WDPCP: variants seen among roughly 807,000 people sequenced by gnomAD.
The protein encoded by WDPCP is WD repeat containing planar cell polarity effector.
In WDPCP, 71 loss-of-function variants were observed where a neutral mutation model predicts 93.1. That is an observed-to-expected ratio of 0.76 (90% CI 0.63 to 0.93). WDPCP has a LOEUF of 0.93. Ranked by LOEUF, WDPCP falls within the 40% of genes least tolerant of loss-of-function variation. The pLI is 0.00. For synonymous variants in WDPCP, 315 were observed against 315.0 expected, an observed-to-expected ratio of 1.00 and a Z score of 0.00; for missense variants, 844 against 887.4, an observed-to-expected ratio of 0.95 and a Z score of 0.62.
At chr2:63,482,739 A>G (rs1700342260) in intron 6 of WDPCP, among the ~76,000 whole-genome samples, 1 of 151,954 alleles carries the variant, frequency 6.6e-6, no homozygotes, top group Admixed American at 6.6e-5. Context: ...GTGGAGGTGA[A>G]GTTATCTTGT....
intron 17 of WDPCP, among the ~76,000 whole-genome samples, chr2:63,151,248 G>T (rs1671867724): frequency 1.3e-5 from 2 of 152,084 alleles, no homozygotes; most frequent in African/African-American, 4.8e-5. Flanking sequence ...TCAAGACAGG[G>T]TCTTACTCTG....
chr2:63,396,511 T>G (rs1478114590), intron 10 of WDPCP, among the ~76,000 whole-genome samples: 1 of 152,146 alleles, frequency 6.6e-6, no homozygotes, highest in Non-Finnish European at 1.5e-5. Context: ...GGGGACACTT[T>G]AGGCAAAGGG....
intron 1 of WDPCP, among the ~76,000 whole-genome samples, chr2:63,822,876 T>C (rs1421653943): frequency 2.0e-5 from 3 of 150,690 alleles, no homozygotes; most frequent in Non-Finnish European, 3.0e-5. Flanking sequence ...ATTTGATATA[T>C]ATATTTGGTA....
chr2:63,686,002 A>G (rs1325543465), intron 2 of WDPCP, among the ~76,000 whole-genome samples: 1 of 152,238 alleles, frequency 6.6e-6, no homozygotes, highest in Non-Finnish European at 1.5e-5. Flanking sequence ...CTATTATCAT[A>G]CTGAATGGGG....
At chr2:63,686,671 T>C (rs1215859595) in intron 2 of WDPCP, among the ~76,000 whole-genome samples, 2 of 152,122 alleles carry the variant, frequency 1.3e-5, no homozygotes, top group African/African-American at 2.4e-5. Flanking sequence ...AATCACATTA[T>C]ACTACAGTAC....
chr2:63,456,277 C>T (rs1483891565), intron 6 of WDPCP, among the ~76,000 whole-genome samples: 2 of 151,922 alleles, frequency 1.3e-5, no homozygotes, highest in Admixed American at 6.6e-5. Flanking sequence ...ATTAGCCAGG[C>T]GTGGTGGTGC....
chr2:63,206,182 C>T (rs957835319), intron 14 of WDPCP, among the ~76,000 whole-genome samples: 2 of 152,144 alleles, frequency 1.3e-5, no homozygotes, highest in East Asian at 3.9e-4. Context: ...TTCACTGGGT[C>T]ATGATGAACG....
intron 1 of WDPCP, among the ~76,000 whole-genome samples, chr2:63,550,446 A>G (rs1353645188): frequency 6.6e-6 from 1 of 152,044 alleles, no homozygotes; most frequent in African/African-American, 2.4e-5. Flanking sequence ...GGTTTCTCCT[A>G]TTATTTGACA....
chr2:63,536,624 A>G (rs1387034245), intron 1 of WDPCP, among the ~76,000 whole-genome samples: 1 of 152,116 alleles, frequency 6.6e-6, no homozygotes, highest in Non-Finnish European at 1.5e-5. Flanking sequence ...AAAATTAAAT[A>G]TAAAAAAAAA....
At chr2:63,402,652 A>AT (rs928097623) in intron 10 of WDPCP, among the ~76,000 whole-genome samples, 1 of 151,882 alleles carries the variant, frequency 6.6e-6, no homozygotes, top group African/African-American at 2.4e-5. Flanking sequence ...CAGAATGGCT[A>AT]TTTTTTTTGA....
chr2:63,803,100 C>T (rs1670718495), intron 2 of WDPCP, among the ~76,000 whole-genome samples: 1 of 152,100 alleles, frequency 6.6e-6, no homozygotes, highest in African/African-American at 2.4e-5. Flanking sequence ...GGAACACATG[C>T]CTGCCCACCA....
At chr2:63,699,199 G>A (rs1212916960) in intron 2 of WDPCP, among the ~76,000 whole-genome samples, 1 of 152,176 alleles carries the variant, frequency 6.6e-6, no homozygotes, top group African/African-American at 2.4e-5. Context: ...CCCATCCATG[G>A]TTGTAGGTCT....
intron 13 of WDPCP, among the ~76,000 whole-genome samples, chr2:63,303,826 A>G (rs1559301558): frequency 6.6e-6 from 1 of 152,224 alleles, no homozygotes; most frequent in South Asian, 2.1e-4. Context: ...GGCAAAAGAG[A>G]TAGACATTTC....
At chr2:63,517,329 C>T (rs578206624) in intron 1 of WDPCP, among the ~76,000 whole-genome samples, 6 of 151,952 alleles carry the variant, frequency 3.9e-5, no homozygotes, top group Non-Finnish European at 7.4e-5. Flanking sequence ...ATTTTCATTT[C>T]CTATGTTTCA....
At chr2:63,308,885 T>C (rs1365364170) in intron 13 of WDPCP, among the ~76,000 whole-genome samples, 1 of 151,926 alleles carries the variant, frequency 6.6e-6, no homozygotes, top group Non-Finnish European at 1.5e-5. Flanking sequence ...GAACCTAAAG[T>C]ATAATCAAAG....
intron 15 of WDPCP, among the ~76,000 whole-genome samples, chr2:63,169,747 T>C (rs1673242501): frequency 6.6e-6 from 1 of 152,146 alleles, no homozygotes; most frequent in African/African-American, 2.4e-5. Flanking sequence ...TCTTTGACTT[T>C]TTTACTTCTC....
At chr2:63,605,960 G>A in intron 3 of WDPCP, 1 of 1,614,078 alleles carries the variant, frequency 6.2e-7, no homozygotes, top group South Asian at 1.1e-5. Flanking sequence ...GTCCATGGGT[G>A]TTATCTCTGA....
At chr2:63,657,408 G>T (rs905208258) in intron 2 of WDPCP, among the ~76,000 whole-genome samples, 1 of 151,894 alleles carries the variant, frequency 6.6e-6, no homozygotes, top group Admixed American at 6.6e-5. Context: ...GGGTTTCACC[G>T]TGTTAGCCCG....
chr2:63,587,288 A>C (rs1708917595), intron 1 of WDPCP, among the ~76,000 whole-genome samples: 1 of 152,202 alleles, frequency 6.6e-6, no homozygotes, highest in Non-Finnish European at 1.5e-5. Context: ...CCCAATGTTA[A>C]GAGATCACAA....
Sources: gnomAD v4.1 joint callset for allele counts (sites outside exome capture counted in the v4.1 genomes callset) on GRCh38, gnomAD v4.1.1 for gene constraint, MANE v1.5 for transcripts, NCBI Gene and HGNC (gene_info 2026-07-23, HGNC 2026-07-21) for gene names.